The following COG5 variants were observed in gnomAD, a reference collection of about 807,000 sequenced individuals.
The protein encoded by COG5 is component of oligomeric golgi complex 5, also known as conserved oligomeric Golgi complex subunit 5.
In COG5, 86 loss-of-function variants were observed where a neutral mutation model predicts 110.4. The ratio of observed to expected loss-of-function variants is 0.78; its 90% confidence interval spans 0.65 to 0.93. The LOEUF (loss-of-function observed/expected upper bound fraction) is 0.93. Among genes scored for constraint, COG5 ranks in the 40% least tolerant of loss-of-function variants. The pLI, the probability that COG5 is intolerant of heterozygous loss-of-function variation, is 0.00. For missense variants in COG5, 1,077 were observed against 987.0 expected (o/e 1.09, Z -1.22); for synonymous variants, 360 against 334.6 (o/e 1.08, Z -0.83).
chr7:107,493,735 T>G (rs563352244), intron 6 of COG5, among the ~76,000 whole-genome samples: 30 of 152,252 alleles, frequency 2.0e-4, no homozygotes, highest in Admixed American at 1.3e-3. Context: ...ACAAGACCCA[T>G]GAGTTCAACA....
chr7:107,354,848 T>G (rs1433984507), intron 10 of COG5, among the ~76,000 whole-genome samples: 1 of 152,204 alleles, frequency 6.6e-6, no homozygotes, highest in African/African-American at 2.4e-5. Flanking sequence ...CTACCCAAGG[T>G]TGCACAATCA....
At position 107,548,343 on chromosome 7, in the gene COG5, A is replaced by T; in HGVS notation, c.293-11T>A. 1 of 1,613,390 alleles carries T rather than the reference A, an allele frequency of 6.2e-7. No homozygotes were observed. On this transcript the variant is annotated splice_polypyrimidine_tract_variant and intron_variant, in intron 3 of 21. Coordinates refer to ENST00000297135, the MANE Select transcript of COG5 (RefSeq NM_006348.5). Reference sequence around the variant, plus strand: ...TCATCTGAAGAACACCTAGGAAAACATAAGTTTACATTGGCTTTACAAATT... The same window carrying T: ...TCATCTGAAGAACACCTAGGAAAACTTAAGTTTACATTGGCTTTACAAATT...
chr7:107,548,969 T>C lies in COG5; in HGVS notation c.293-637A>G, dbSNP rs114079756. 7.4e-3 allele frequency among the ~76,000 whole-genome samples: 1,132 copies of C among 152,328 alleles called. 12 individuals carry two copies. The highest frequency in any genetic ancestry group is 0.026 in the African/African-American group (1,089 of 41,580). On this transcript the variant is annotated intron_variant, in intron 3 of 21. Coordinates refer to ENST00000297135, the MANE Select transcript of COG5 (RefSeq NM_006348.5). ...CAGTTTCTATATCCAACTGGCATAGTTGTTTTGAAAGCATAGTATTCTATT... is the reference window on the plus strand; with the variant it reads ...CAGTTTCTATATCCAACTGGCATAGCTGTTTTGAAAGCATAGTATTCTATT...
At chr7:107,439,644 A>G (rs377060734) in intron 6 of COG5, among the ~76,000 whole-genome samples, 3 of 152,056 alleles carry the variant, frequency 2.0e-5, no homozygotes, top group South Asian at 2.1e-4. Context: ...CTACATATGT[A>G]ACAATTATGT....
chr7:107,307,464 C>T (rs926804537), intron 11 of COG5, among the ~76,000 whole-genome samples: 7 of 152,168 alleles, frequency 4.6e-5, no homozygotes, highest in Admixed American at 6.5e-5. Context: ...CTCTGTGTAT[C>T]CATCACTTAG....
At chr7:107,465,648 G>A (rs1796250793) in intron 6 of COG5, among the ~76,000 whole-genome samples, 2 of 152,066 alleles carry the variant, frequency 1.3e-5, no homozygotes, top group African/African-American at 4.8e-5. Context: ...GAATATACCT[G>A]GCAGAAAGAC....
intron 6 of COG5, among the ~76,000 whole-genome samples, chr7:107,445,778 T>G (rs1794971452): frequency 6.6e-6 from 1 of 152,224 alleles, no homozygotes; most frequent in Admixed American, 6.5e-5. Flanking sequence ...AACCATTCAC[T>G]CATGCACTCA....
At chr7:107,227,984 T>G (rs1800482467) in intron 19 of COG5, among the ~76,000 whole-genome samples, 1 of 152,122 alleles carries the variant, frequency 6.6e-6, no homozygotes, top group South Asian at 2.1e-4. Flanking sequence ...AACATGGGAC[T>G]GGGGCTATAA....
intron 10 of COG5, among the ~76,000 whole-genome samples, chr7:107,347,087 G>A (rs1811681949): frequency 1.3e-5 from 2 of 152,130 alleles, no homozygotes; most frequent in African/African-American, 4.8e-5. Context: ...TTGCATCAAA[G>A]AGAGAGAGAC....
chr7:107,335,099 T>C (rs925699822), intron 10 of COG5, among the ~76,000 whole-genome samples: 6 of 152,226 alleles, frequency 3.9e-5, no homozygotes, highest in Non-Finnish European at 5.9e-5. Flanking sequence ...TGTAGGAGAA[T>C]GGAGTTAAAA....
chr7:107,235,773 A>T (rs1801140869), intron 18 of COG5, among the ~76,000 whole-genome samples: 1 of 152,262 alleles, frequency 6.6e-6, no homozygotes, highest in South Asian at 2.1e-4. Context: ...GAATCTTTTA[A>T]TGAAAGCATG....
intron 14 of COG5, among the ~76,000 whole-genome samples, chr7:107,267,760 A>C (rs746827914): frequency 1.8e-4 from 27 of 152,282 alleles, no homozygotes; most frequent in Non-Finnish European, 3.5e-4. Flanking sequence ...TTTAAAAAAA[A>C]TAACTGGGGT....
chr7:107,248,514 G>C lies in COG5; in HGVS notation c.1750-15C>G. The C allele has an allele frequency of 6.9e-7, 1 of 1,455,596 alleles. No individual in the cohort carries two copies. The highest frequency in any genetic ancestry group is 9.5e-7 in the Non-Finnish European group (1 of 1,052,818). The allele number at this position is 1,455,596 out of a possible 1,614,324, so 90.2% of individuals were successfully genotyped here. On this transcript the variant is annotated splice_polypyrimidine_tract_variant and intron_variant, in intron 16 of 21. Transcript: ENST00000297135. ...GCATGAATAGCCTAAAAAAAAAAAA[G>C]AAAGAAAAAAAAGAAGAGGCAAGAT...
chr7:107,482,789 A>G (rs977517363), intron 6 of COG5, among the ~76,000 whole-genome samples: 1 of 152,168 alleles, frequency 6.6e-6, no homozygotes, highest in Non-Finnish European at 1.5e-5. Context: ...ATCAAACACA[A>G]AACATTCACC....
intron 21 of COG5, among the ~76,000 whole-genome samples, chr7:107,204,856 G>C (rs1330296209): frequency 6.6e-6 from 1 of 152,152 alleles, no homozygotes; most frequent in Admixed American, 6.5e-5. Flanking sequence ...CTTGCTTCCA[G>C]GTAGCCTCAA....
intron 7 of COG5, among the ~76,000 whole-genome samples, chr7:107,399,571 G>A (rs753490706): frequency 3.9e-5 from 6 of 152,006 alleles, no homozygotes; most frequent in Non-Finnish European, 7.4e-5. Flanking sequence ...ATGATTATAC[G>A]TTTCCTGAGG....
At chr7:107,390,824 A>G (rs1440517819) in intron 7 of COG5, among the ~76,000 whole-genome samples, 1 of 150,574 alleles carries the variant, frequency 6.6e-6, no homozygotes, top group Non-Finnish European at 1.5e-5. Context: ...GCGCTCTCCA[A>G]TCAATAAGGC....
At chr7:107,349,432 T>G (rs1324725574) in intron 10 of COG5, among the ~76,000 whole-genome samples, 1 of 152,116 alleles carries the variant, frequency 6.6e-6, no homozygotes, top group Non-Finnish European at 1.5e-5. Context: ...GGAGTCTTGC[T>G]CTGTCGCCCA....
intron 19 of COG5, among the ~76,000 whole-genome samples, chr7:107,227,478 G>T (rs866510881): frequency 6.6e-6 from 1 of 152,072 alleles, no homozygotes; most frequent in Non-Finnish European, 1.5e-5. Context: ...ATAGGTATTA[G>T]AAGGTGTCAC....
Sources: gnomAD v4.1 joint callset for allele counts (sites outside exome capture counted in the v4.1 genomes callset) on GRCh38, gnomAD v4.1.1 for gene constraint, MANE v1.5 for transcripts, NCBI Gene and HGNC (gene_info 2026-07-23, HGNC 2026-07-21) for gene names.